The following PCDHGA4 variants were observed in gnomAD, a reference collection of about 807,000 sequenced individuals.
PCDHGA4 encodes the protein protocadherin gamma subfamily A, 4.
Under a neutral mutation model 54.6 loss-of-function variants are expected in PCDHGA4, and 38 were observed. The ratio of observed to expected loss-of-function variants is 0.70; its 90% CI spans 0.54 to 0.91. The LOEUF (loss-of-function observed/expected upper bound fraction) is 0.91. PCDHGA4 is among the 40% of genes least tolerant of loss of function. The pLI, the probability that PCDHGA4 is intolerant of heterozygous loss-of-function variation, is 0.00. For missense variants in PCDHGA4, 1,298 were observed against 1,220.9 expected, an observed-to-expected ratio of 1.06 and a Z score of -0.94; for synonymous variants, 511 against 512.9, an observed-to-expected ratio of 1.00 and a Z score of 0.05.
At chr5:141,430,021 T>C (rs2097257368) in intron 1 of PCDHGA4, among the ~76,000 whole-genome samples, 1 of 152,226 alleles carries the variant, frequency 6.6e-6, no homozygotes, top group Admixed American at 6.5e-5. Context: ...TGGGTTCTTG[T>C]TAAGTGTGAT....
intron 1 of PCDHGA4, chr5:141,372,544 G>A (rs1768857250): frequency 2.5e-6 from 4 of 1,613,872 alleles, no homozygotes; most frequent in African/African-American, 1.3e-5. Context: ...CGCCTGCGAT[G>A]CTCCTCCAGA....
At chr5:141,388,536 G>A (rs1262935958) in intron 1 of PCDHGA4, 1 of 1,613,716 alleles carries the variant, frequency 6.2e-7, no homozygotes, top group Non-Finnish European at 8.5e-7. Context: ...CTTGGACTTT[G>A]GAGCTCCACC....
chr5:141,451,209 G>C (rs556588482), intron 1 of PCDHGA4, among the ~76,000 whole-genome samples: 1 of 152,266 alleles, frequency 6.6e-6, no homozygotes, highest in African/African-American at 2.4e-5. Flanking sequence ...CCAAAACTTA[G>C]TGGCTTAAAA....
rs766673132 is a variant in PCDHGA4 at position 141,357,097 on chromosome 5, C to T, written c.1990C>T (p.Leu664=). 6.2e-7 allele frequency: 1 copy of T among 1,613,858 alleles called. No individual in the cohort carries two copies. Among genetic ancestry groups the T allele is most frequent in the Admixed American group, 1.7e-5 (1 of 60,034 alleles). The stretch of plus-strand genomic sequence containing the variant: ...CGAGGTGCGCACCGCACGGGCCCTG[C>T]TGGACAGAGACGCGCTCAAGCAGAG... ...TGEVRTARAL[L]DRDALKQRLV... is the part of the protein sequence containing the mutation. Residue 664 remains leucine, a synonymous_variant, in exon 1 of 4, where the codon CTG becomes TTG. Transcript: ENST00000571252.
intron 1 of PCDHGA4, chr5:141,404,042 A>G: frequency 3.1e-6 from 5 of 1,613,892 alleles, no homozygotes; most frequent in Non-Finnish European, 4.2e-6. Context: ...ACCTCAGGGA[A>G]CAGTAATTCT....
intron 1 of PCDHGA4, chr5:141,361,665 G>T: frequency 6.2e-7 from 1 of 1,613,696 alleles, no homozygotes. Flanking sequence ...TGAGCGCGCA[G>T]AGCGGGGTGG....
At chr5:141,359,129 T>C (rs796480856) in intron 1 of PCDHGA4, among the ~76,000 whole-genome samples, 1 of 152,294 alleles carries the variant, frequency 6.6e-6, no homozygotes, top group African/African-American at 2.4e-5. Context: ...GTGCAATACA[T>C]AGAGTAAGCT....
At chr5:141,457,864 C>T (rs962336979) in intron 1 of PCDHGA4, among the ~76,000 whole-genome samples, 5 of 152,166 alleles carry the variant, frequency 3.3e-5, no homozygotes, top group African/African-American at 4.8e-5. Flanking sequence ...CTTCACTGAC[C>T]ACAGGTTAGG....
At chr5:141,433,818 C>A (rs1286718725) in intron 1 of PCDHGA4, among the ~76,000 whole-genome samples, 7 of 133,614 alleles carry the variant, frequency 5.2e-5, no homozygotes, top group African/African-American at 5.8e-5. Flanking sequence ...GCCTGGGCAA[C>A]AAGAGTGAAA....
chr5:141,365,723 A>T, intron 1 of PCDHGA4: 1 of 1,613,726 alleles, frequency 6.2e-7, no homozygotes, highest in South Asian at 1.1e-5. Context: ...CACAGAAAAC[A>T]ATCCCAGAGG....
rs188091361 is a variant in PCDHGA4, at chr5:141,375,199, C to T, written c.2514+17578C>T. 47 of 1,613,924 alleles carry T rather than the reference C, an allele frequency of 2.9e-5. No individual in the cohort carries two copies. The South Asian group carries it at 4.7e-4, about 16-fold the overall frequency. ...CAGTAATCGCCCTTTTTCAAGTGTT[C>T]GATCGAGACTCTGGCCTGAATGGCC... On this transcript the variant is annotated intron_variant, in intron 1 of 3. Transcript: ENST00000571252.
intron 1 of PCDHGA4, among the ~76,000 whole-genome samples, chr5:141,397,274 G>A (rs565956732): frequency 6.6e-6 from 1 of 152,188 alleles, no homozygotes; most frequent in East Asian, 1.9e-4. Flanking sequence ...TACATCATAT[G>A]GGCAGTATAC....
rs1210429084 is a variant in PCDHGA4 at position 141,487,045 on chromosome 5, T to C, written c.2515-7762T>C. 2 of 1,614,088 alleles carry C rather than the reference T, an allele frequency of 1.2e-6. No individual in the cohort carries two copies. Among genetic ancestry groups the C allele is most frequent in the Non-Finnish European group, 1.7e-6 (2 of 1,180,036 alleles). On this transcript the variant is annotated intron_variant, in intron 1 of 3. Coordinates refer to ENST00000571252, the MANE Select transcript of PCDHGA4 (RefSeq NM_018917.4). This position sits in a 1 kb window ranked among gnomAD's most constrained non-coding sequence, Gnocchi z 5.0. ...CCAGCCTGTTTGCAGTCTCTCGATA[T>C]GCTGGGGAGGTGCGGACGGCTGTTC...
At position 141,428,173 on chromosome 5, in the gene PCDHGA4, C is replaced by T. The variant is rs192741775; in HGVS notation, c.2515-66634C>T. The T allele has an allele frequency of 3.3e-6, 5 of 1,514,730 alleles. No homozygotes were observed. In the East Asian group the frequency reaches 9.1e-5, roughly 28 times the overall value. 93.8% of individuals were successfully genotyped at this position (1,514,730 alleles called of 1,614,324 possible). A position where few individuals can be genotyped will look rare whatever the true frequency, so the allele number is the denominator to read the frequency against. On this transcript the variant is annotated intron_variant, in intron 1 of 3. Transcript: ENST00000571252. ...GGAACCTGCTGGTTGCTGTGCGTGA[C>T]GGAGGACAGCCGCCGCTCTCTGCGC... is the stretch of plus-strand genomic sequence containing the variant.
At chr5:141,406,474 T>TA (rs1309995681) in intron 1 of PCDHGA4, among the ~76,000 whole-genome samples, 1 of 152,248 alleles carries the variant, frequency 6.6e-6, no homozygotes, top group Non-Finnish European at 1.5e-5. Flanking sequence ...TCTTTGAGGT[T>TA]ATATTTTTCA....
intron 1 of PCDHGA4, chr5:141,421,588 G>A: frequency 1.2e-6 from 2 of 1,613,910 alleles, no homozygotes; most frequent in Non-Finnish European, 8.5e-7. Context: ...TTACGGAGTG[G>A]AGGTGGAAAT....
At chr5:141,472,980 C>CAAAAAAAAAAAAAAAAAAAAAAAA (rs60579131) in intron 1 of PCDHGA4, among the ~76,000 whole-genome samples, 7 of 86,078 alleles carry the variant, frequency 8.1e-5, no homozygotes, top group African/African-American at 1.9e-4. Context: ...GAGTGAAACT[C>CAAAAAAAAAAAAAAAAAAAAAAAA]AAAAAAAAAA....
At chr5:141,421,930 G>A (rs780569992) in intron 1 of PCDHGA4, 1 of 1,613,480 alleles carries the variant, frequency 6.2e-7, no homozygotes, top group Non-Finnish European at 8.5e-7. Flanking sequence ...GGTGGTCCTC[G>A]ATGTAAATGA....
At chr5:141,414,882 C>T (rs759814512) in intron 1 of PCDHGA4, 7 of 1,614,104 alleles carry the variant, frequency 4.3e-6, no homozygotes, top group East Asian at 4.5e-5. Context: ...TCCTGTACCC[C>T]GCCCTCCCCA....
Sources: gnomAD v4.1 joint callset for allele counts (sites outside exome capture counted in the v4.1 genomes callset) on GRCh38, gnomAD v4.1.1 for gene constraint, Gnocchi (gnomAD v3.1) non-coding constraint, MANE v1.5 for transcripts, NCBI Gene and HGNC (gene_info 2026-07-23, HGNC 2026-07-21) for gene names.